Variants in DLGAP1 observed in about 807,000 individuals in gnomAD.
The protein encoded by DLGAP1 is DLG associated protein 1, also known as disks large-associated protein 1.
In DLGAP1, 11 loss-of-function variants were observed where a neutral mutation model predicts 90.8. The ratio of observed to expected loss-of-function variants is 0.12; its 90% CI spans 0.08 to 0.20. The LOEUF (loss-of-function observed/expected upper bound fraction) is 0.20, where lower values mean the gene tolerates loss of function less well. Among genes scored for constraint, DLGAP1 ranks in the 10% least tolerant of loss-of-function variants. The probability of loss-of-function intolerance (pLI) is 1.00; values close to 1 mark genes in which losing one functional copy is unlikely to be tolerated. For missense variants in DLGAP1, 1,050 were observed against 1,333.8 expected, an observed-to-expected ratio of 0.79 and a Z score of 3.31; for synonymous variants, 558 against 540.7, an observed-to-expected ratio of 1.03 and a Z score of -0.44.
At chr18:4,116,463 C>T (rs1219453226) in intron 2 of DLGAP1, among the ~76,000 whole-genome samples, 1 of 152,110 alleles carries the variant, frequency 6.6e-6, no homozygotes, top group Non-Finnish European at 1.5e-5. Flanking sequence ...TCTTCTCCTT[C>T]TGGCACTTCT....
At chr18:4,330,423 T>C (rs2080923015) in intron 1 of DLGAP1, among the ~76,000 whole-genome samples, 1 of 151,848 alleles carries the variant, frequency 6.6e-6, no homozygotes, top group Non-Finnish European at 1.5e-5. Flanking sequence ...TTAATTTTCT[T>C]TTCTTGCCAT....
intron 3 of DLGAP1, among the ~76,000 whole-genome samples, chr18:3,988,035 G>A (rs2073877822): frequency 6.6e-6 from 1 of 151,964 alleles, no homozygotes; most frequent in Non-Finnish European, 1.5e-5. Context: ...ATATGTAGTG[G>A]AATAATTGTA....
chr18:3,961,455 G>A (rs2073196711), intron 3 of DLGAP1, among the ~76,000 whole-genome samples: 1 of 152,110 alleles, frequency 6.6e-6, no homozygotes, highest in Non-Finnish European at 1.5e-5. Flanking sequence ...GCCAGTCCCT[G>A]ACATTTTCAG....
chr18:3,712,346 C>T (rs375480643), intron 7 of DLGAP1, among the ~76,000 whole-genome samples: 11 of 152,274 alleles, frequency 7.2e-5, no homozygotes, highest in East Asian at 1.9e-4. Flanking sequence ...GCAGCTCACC[C>T]GTCTCTGTCC....
Position 4,344,410 on chromosome 18 carries a change from C to A in DLGAP1, c.-267+110596G>T, listed in dbSNP as rs190218388. On this transcript the variant is annotated intron_variant, in intron 1 of 12. Coordinates refer to ENST00000315677, the MANE Select transcript of DLGAP1 (RefSeq NM_004746.4). ...ACTTTCAGAAATATAACATGCCAGA[C>A]TTAAAGACAAAAAAATCCACTCTTG... 8.0e-4 allele frequency among the ~76,000 whole-genome samples: 122 copies of A among 152,068 alleles called. 1 individual carries two copies. Among genetic ancestry groups the A allele is most frequent in the Admixed American group, 7.7e-3 (117 of 15,270 alleles).
intron 2 of DLGAP1, among the ~76,000 whole-genome samples, chr18:4,081,562 G>T (rs7244888): frequency 6.6e-6 from 1 of 151,820 alleles, no homozygotes; most frequent in Admixed American, 6.6e-5. Flanking sequence ...TCTCTCTCTC[G>T]CAAAGTAAGG....
chr18:3,734,460 C>CT (rs111917190), intron 6 of DLGAP1, among the ~76,000 whole-genome samples: 81 of 150,946 alleles, frequency 5.4e-4, no homozygotes, highest in Admixed American at 7.3e-4. Context: ...TTTCTAGTTC[C>CT]TTTTTTTTTA....
chr18:3,864,563 G>C (rs1451638722), intron 4 of DLGAP1, among the ~76,000 whole-genome samples: 1 of 152,170 alleles, frequency 6.6e-6, no homozygotes, highest in Non-Finnish European at 1.5e-5. Flanking sequence ...TGAACTATCT[G>C]CAGTGTGATA....
chr18:4,369,274 TG>T (rs2144191655), intron 1 of DLGAP1, among the ~76,000 whole-genome samples: 1 of 151,320 alleles, frequency 6.6e-6, no homozygotes, highest in South Asian at 2.1e-4. Flanking sequence ...TATATGTTTG[TG>T]TATACATGCA....
chr18:3,862,993 C>T (rs1252331232), intron 4 of DLGAP1, among the ~76,000 whole-genome samples: 2 of 152,196 alleles, frequency 1.3e-5, no homozygotes, highest in African/African-American at 4.8e-5. Flanking sequence ...TATGGCAAAG[C>T]CCCAATCTAC....
chr18:4,202,355 G>A (rs1342705056), intron 1 of DLGAP1, among the ~76,000 whole-genome samples: 1 of 152,108 alleles, frequency 6.6e-6, no homozygotes, highest in Non-Finnish European at 1.5e-5. Flanking sequence ...GCCTCAGAAT[G>A]AGGAAGGGAG....
At chr18:3,766,593 A>C (rs1158317823) in intron 5 of DLGAP1, among the ~76,000 whole-genome samples, 1 of 152,196 alleles carries the variant, frequency 6.6e-6, no homozygotes, top group Non-Finnish European at 1.5e-5. Context: ...AAAACTCAAC[A>C]AACTTGAAAG....
At chr18:3,597,426 A>G (rs1301008635) in intron 7 of DLGAP1, 1 of 364,678 alleles carries the variant, frequency 2.7e-6, no homozygotes, top group Admixed American at 3.9e-5. Flanking sequence ...GGACCAGGGT[A>G]TTGTGCACTT....
chr18:4,003,109 A>G (rs949197938), intron 3 of DLGAP1, among the ~76,000 whole-genome samples: 5 of 152,222 alleles, frequency 3.3e-5, no homozygotes, highest in African/African-American at 4.8e-5. Context: ...GGTAGAGGAT[A>G]AGTCTTAGAG....
At chr18:4,287,503 C>A (rs139829146) in intron 1 of DLGAP1, among the ~76,000 whole-genome samples, 3,823 of 152,280 alleles carry the variant, frequency 0.025, 160 homozygotes, top group African/African-American at 0.087. Context: ...CCATGGAATA[C>A]TATGCAGCCA....
At chr18:3,961,478 G>T (rs1400321873) in intron 3 of DLGAP1, among the ~76,000 whole-genome samples, 2 of 152,102 alleles carry the variant, frequency 1.3e-5, no homozygotes, top group East Asian at 3.9e-4. Flanking sequence ...CTTAGGACGG[G>T]AATACAAATG....
Position 3,879,874 on chromosome 18 carries a change from C to T in DLGAP1, c.195G>A (p.Leu65=). The T allele has an allele frequency of 6.2e-7, 1 of 1,610,914 alleles. No homozygotes were observed. Among genetic ancestry groups the T allele is most frequent in the East Asian group, 2.2e-5 (1 of 44,860 alleles). ...AECVGPFSDP[L]ASSTFPRRHY... The stretch of plus-strand genomic sequence containing the variant: ...GCCTGCGGGGGAAGGTGCTGCTGGC[C>T]AGCGGGTCGCTGAAGGGGCCCACGC... Residue 65 remains leucine, a synonymous_variant, in exon 4 of 13, where the codon CTG becomes CTA. Transcript: ENST00000315677. The surrounding 1 kb of genome is among the most constrained non-coding windows in gnomAD (Gnocchi z 6.6).
chr18:3,602,723 G>A lies in DLGAP1; in HGVS notation c.1592-20475C>T, dbSNP rs1401617490. On this transcript the variant is annotated intron_variant, in intron 7 of 12. Transcript: ENST00000315677. ...CCAGCACAGCACTGCCTCCTGGTGC[G>A]GATTATATTCCAGTTTTCAAAAGGA... Among the ~76,000 whole-genome samples the A allele has an allele frequency of 4.6e-5, 7 of 152,134 alleles. No homozygotes were observed. The South Asian group carries it at 1.4e-3, about 32-fold the overall frequency.
intron 1 of DLGAP1, among the ~76,000 whole-genome samples, chr18:4,288,490 TG>T (rs1216465786): frequency 1.3e-5 from 2 of 151,868 alleles, no homozygotes; most frequent in African/African-American, 4.9e-5. Flanking sequence ...GTTCCATGAT[TG>T]TTATCTGAAG....
Sources: allele counts gnomAD v4.1 joint callset (sites outside exome capture counted in the v4.1 genomes callset), GRCh38; gene constraint gnomAD v4.1.1; non-coding constraint Gnocchi (gnomAD v3.1); transcripts MANE v1.5; gene names NCBI Gene and HGNC (gene_info 2026-07-23, HGNC 2026-07-21).